The following SMO variants were observed in gnomAD, a reference collection of about 807,000 sequenced individuals.
The protein encoded by SMO is smoothened, frizzled class receptor.
In SMO, 40 loss-of-function variants were observed where a neutral mutation model predicts 81.6. That is an observed-to-expected ratio of 0.49 (90% confidence interval 0.38 to 0.64). SMO has a LOEUF of 0.64. Ranked by LOEUF, SMO falls within the 30% of genes least tolerant of loss-of-function variation. SMO has a pLI of 0.00. For synonymous variants in SMO, 434 were observed against 432.1 expected (o/e 1.00, Z -0.05); for missense variants, 916 against 1,061.1 (o/e 0.86, Z 1.90).
chr7:129,206,697 C>A lies in SMO; in HGVS notation c.1264+110C>A. ...GCCCCCATGCTGAAACCCCAGCTAG[C>A]TCCTATAGGGCCTTCACACAGTAGA... On this transcript the variant is annotated intron_variant, in intron 6 of 11. Coordinates refer to ENST00000249373, the MANE Select transcript of SMO (RefSeq NM_005631.5). The surrounding 1 kb of genome is among the most constrained non-coding windows in gnomAD (Gnocchi z 4.4). The A allele has an allele frequency of 1.7e-6, 2 of 1,146,548 alleles. No homozygotes were observed. The highest frequency in any genetic ancestry group is 1.4e-5 in the South Asian group (1 of 70,580). 71.0% of individuals were successfully genotyped at this position (1,146,548 alleles called of 1,614,324 possible). A position where few individuals can be genotyped will look rare whatever the true frequency, so the allele number is the denominator to read the frequency against.
At chr7:129,193,785 A>AAAAATATATAT (rs1563145734) in intron 1 of SMO, among the ~76,000 whole-genome samples, 4 of 26,352 alleles carry the variant, frequency 1.5e-4, no homozygotes, top group African/African-American at 1.7e-4. Flanking sequence ...AAAAAAAAAA[A>AAAAATATATAT]ATATATATAT....
At position 129,208,591 on chromosome 7, in the gene SMO, T is replaced by C. The variant is rs1793812212; in HGVS notation, c.1265-168T>C. Among the ~76,000 whole-genome samples, 2 of 152,170 alleles carry C rather than the reference T, an allele frequency of 1.3e-5. No individual in the cohort carries two copies. The highest frequency in any genetic ancestry group is 4.1e-4 in the South Asian group (2 of 4,828). ...TCAAGTGTCTGTCTAGGCTCTGCCC[T>C]GGTCTTCTCACCATTTCTCCAGTGT... is the stretch of plus-strand genomic sequence containing the variant. On this transcript the variant is annotated intron_variant, in intron 6 of 11. Transcript: ENST00000249373. The surrounding 1 kb of genome is among the most constrained non-coding windows in gnomAD (Gnocchi z 5.2).
At chr7:129,202,801 C>T (rs1371188399) in intron 1 of SMO, among the ~76,000 whole-genome samples, 2 of 152,144 alleles carry the variant, frequency 1.3e-5, no homozygotes, top group Admixed American at 6.6e-5. Flanking sequence ...AGCAAATGGG[C>T]CCCGTGAGAG....
intron 8 of SMO, among the ~76,000 whole-genome samples, chr7:129,209,608 C>G (rs1793832511): frequency 6.6e-6 from 1 of 152,166 alleles, no homozygotes; most frequent in Non-Finnish European, 1.5e-5. Flanking sequence ...TCTGCCCTTC[C>G]CTCTCCACCC....
chr7:129,213,018 T>G lies in SMO; in HGVS notation c.*567T>G, dbSNP rs1258366787. 7.7e-6 allele frequency: 2 copies of G among 259,032 alleles called. No homozygotes were observed. Among genetic ancestry groups the G allele is most frequent in the African/African-American group, 2.2e-5 (1 of 45,864 alleles). The allele number at this position is 259,032 out of a possible 1,614,324, so 16.0% of individuals were successfully genotyped here. ...GCTCCCACAGGGGCCATGTCCTCTC[T>G]TAATAGGTGGCACTACCCCAAACCC... On this transcript the variant is annotated 3_prime_UTR_variant, in exon 12 of 12. Coordinates refer to ENST00000249373, the MANE Select transcript of SMO (RefSeq NM_005631.5).
In SMO at chr7:129,192,428, G is replaced by C. The variant is rs917382595; in HGVS notation, c.331+2946G>C. On this transcript the variant is annotated intron_variant, in intron 1 of 11. Transcript: ENST00000249373. ...GATGTTATCCAGGGGATGATAAGGA[G>C]CCATTGAAAGATTTTAAGCAAGGGA... 5.3e-5 allele frequency among the ~76,000 whole-genome samples: 8 copies of C among 152,318 alleles called. 1 individual carries two copies. The South Asian group carries it at 1.7e-3, about 32-fold the overall frequency.
rs567061871 is a variant in SMO, at chr7:129,207,033, C to T, written c.1264+446C>T. On this transcript the variant is annotated intron_variant, in intron 6 of 11. Transcript: ENST00000249373. ...CTAATTTTTGTATTTTTAGTAGAGA[C>T]GGGGTTTCACCATGTTAGCCAGGCT... Among the ~76,000 whole-genome samples the T allele has an allele frequency of 4.6e-5, 7 of 152,216 alleles. No homozygotes were observed. In the East Asian group the frequency reaches 1.2e-3, roughly 25 times the overall value.
rs528724656 is a variant in SMO at position 129,211,852 on chromosome 7, G to A, written c.1936+82G>A. 8.4e-6 allele frequency: 13 copies of A among 1,550,594 alleles called. No homozygotes were observed. Among genetic ancestry groups the A allele is most frequent in the African/African-American group, 6.8e-5 (5 of 73,690 alleles). ...CTGGGACTGGAGTACAGGGGCTGTC[G>A]GAGGAGGAGGAAGAGGAAGGAAAGG... is the stretch of plus-strand genomic sequence containing the variant. On this transcript the variant is annotated intron_variant, in intron 11 of 11. Transcript: ENST00000249373. This position sits in a 1 kb window ranked among gnomAD's most constrained non-coding sequence, Gnocchi z 4.6.
chr7:129,212,626 C>T lies in SMO; in HGVS notation c.*175C>T. On this transcript the variant is annotated 3_prime_UTR_variant, in exon 12 of 12. Transcript: ENST00000249373. The surrounding 1 kb of genome is among the most constrained non-coding windows in gnomAD (Gnocchi z 5.0). ...AAGCAGCAGGACTGTGGGAAAGAGC[C>T]TAACATCTCCATGGGGAGGCCTCAC... 1.5e-6 allele frequency: 1 copy of T among 645,506 alleles called. No homozygotes were observed. The allele number at this position is 645,506 out of a possible 1,614,324, so 40.0% of individuals were successfully genotyped here.
rs911995859 is a variant in SMO at position 129,205,107 on chromosome 7, C to G, written c.538-96C>G. The G allele has an allele frequency of 1.6e-5, 17 of 1,091,384 alleles. No individual in the cohort carries two copies. The Admixed American group carries it at 3.2e-4, about 20-fold the overall frequency. 67.6% of individuals were successfully genotyped at this position (1,091,384 alleles called of 1,614,324 possible). On this transcript the variant is annotated intron_variant, in intron 2 of 11. Transcript: ENST00000249373. ...GGATTCAGGTCCTGGAAGTGTATCT[C>G]CAGCCACCCTGCCATGCTACCTAGA...
At chr7:129,202,296 G>C (rs1235632928) in intron 1 of SMO, among the ~76,000 whole-genome samples, 1 of 151,838 alleles carries the variant, frequency 6.6e-6, no homozygotes, top group Non-Finnish European at 1.5e-5. Flanking sequence ...GGAAAGAGTG[G>C]AGCCAAGATT....
intron 1 of SMO, among the ~76,000 whole-genome samples, chr7:129,193,252 G>A (rs1441248317): frequency 1.3e-5 from 2 of 152,182 alleles, no homozygotes; most frequent in African/African-American, 4.8e-5. Flanking sequence ...GCTCTGTGTG[G>A]TACATAAGTG....
At chr7:129,195,065 A>G (rs1429141923) in intron 1 of SMO, among the ~76,000 whole-genome samples, 1 of 152,200 alleles carries the variant, frequency 6.6e-6, no homozygotes, top group Non-Finnish European at 1.5e-5. Flanking sequence ...ATTGCTGAAT[A>G]ATATTCCATT....
chr7:129,206,379 C>T lies in SMO; in HGVS notation c.1140+10C>T, dbSNP rs1793766013. ...CCTTGCTGTGGCGCAGGTATAGTGA[C>T]TGGTAGGAACGGGAGACCTGGATGG... On this transcript the variant is annotated intron_variant, in intron 5 of 11. Transcript: ENST00000249373. The surrounding 1 kb of genome is among the most constrained non-coding windows in gnomAD (Gnocchi z 4.4). 1 of 1,614,092 alleles carries T rather than the reference C, an allele frequency of 6.2e-7. No individual in the cohort carries two copies. Among genetic ancestry groups the T allele is most frequent in the Non-Finnish European group, 8.5e-7 (1 of 1,179,974 alleles).
rs1331078670 is a variant in SMO, at chr7:129,211,281, T to C, written c.1801+168T>C. On this transcript the variant is annotated intron_variant, in intron 10 of 11. Transcript: ENST00000249373. This position sits in a 1 kb window ranked among gnomAD's most constrained non-coding sequence, Gnocchi z 4.6. Reference sequence around the variant, plus strand: ...ATTCTTCCCCCGGCCCCTCCTACCCTCTGGGGGGCTCTCCCCTCTCTGTTT... The same window carrying C: ...ATTCTTCCCCCGGCCCCTCCTACCCCCTGGGGGGCTCTCCCCTCTCTGTTT... 12 of 796,680 alleles carry C rather than the reference T, an allele frequency of 1.5e-5. No homozygotes were observed. Among genetic ancestry groups the C allele is most frequent in the Non-Finnish European group, 2.5e-5 (12 of 473,300 alleles). 49.4% of individuals were successfully genotyped at this position (796,680 alleles called of 1,614,324 possible).
At chr7:129,203,732 A>G in intron 2 of SMO, 143 bp downstream of exon 2, 1 of 620,304 alleles carries the variant, frequency 1.6e-6, no homozygotes, top group Non-Finnish European at 2.8e-6. Flanking sequence ...ACAGGACACA[A>G]ACTCAAACTG....
chr7:129,189,482 G>A lies in SMO; in HGVS notation c.331G>A (p.Gly111Ser), dbSNP rs2150638553. The change falls in exon 1 of 12, where the codon GGC (glycine) becomes AGC (serine). Residue 111 changes from glycine to serine, a missense_variant and splice_region_variant. Gly to Ser is a moderately conservative substitution (Grantham distance 56). This residue lies in a region of SMO where 10 missense variants were observed against 27.5 expected (regional missense o/e 0.36). Transcript: ENST00000249373. The surrounding 1 kb of genome is among the most constrained non-coding windows in gnomAD (Gnocchi z 4.7). ...GCACGGCAAGCTCGTGCTCTGGTCG[G>A]GTAAGTGCGGCGGAGCCGGGTCTGG... is the stretch of plus-strand genomic sequence containing the variant. ...EAHGKLVLWS[G>S]LRNAPRCWAV... 2.0e-6 allele frequency: 3 copies of A among 1,536,464 alleles called. No homozygotes were observed. Among genetic ancestry groups the A allele is most frequent in the Non-Finnish European group, 2.6e-6 (3 of 1,146,738 alleles).
intron 2 of SMO, 136 bp downstream of exon 2, chr7:129,203,725 G>A: frequency 1.6e-6 from 1 of 639,130 alleles, no homozygotes; most frequent in Non-Finnish European, 2.7e-6. Context: ...GGGGTCAACA[G>A]GACACAAACT....
At chr7:129,192,867 A>C (rs546770444) in intron 1 of SMO, among the ~76,000 whole-genome samples, 16 of 152,234 alleles carry the variant, frequency 1.1e-4, no homozygotes, top group African/African-American at 3.6e-4. Context: ...TGGAAATAGG[A>C]ATTGCTGGAG....
Sources: allele counts gnomAD v4.1 joint callset (sites outside exome capture counted in the v4.1 genomes callset), GRCh38; gene constraint gnomAD v4.1.1; regional missense constraint gnomAD v4.1.1; non-coding constraint Gnocchi (gnomAD v3.1); transcripts MANE v1.5; gene names NCBI Gene and HGNC (gene_info 2026-07-23, HGNC 2026-07-21).